KIF16B: variants seen among roughly 807,000 people sequenced by gnomAD.
The protein encoded by KIF16B is kinesin family member 16B.
Under a neutral mutation model 156.3 loss-of-function variants are expected in KIF16B, and 98 were observed. That is an observed-to-expected ratio of 0.63 (90% CI 0.53 to 0.74). The LOEUF (loss-of-function observed/expected upper bound fraction) is 0.74. Ranked by LOEUF, KIF16B falls within the 30% of genes least tolerant of loss-of-function variation. The pLI is 0.00. For missense variants in KIF16B, 1,421 were observed against 1,606.5 expected (o/e 0.88, Z 1.97); for synonymous variants, 564 against 583.7 (o/e 0.97, Z 0.49).
At chr20:16,385,261 A>G (rs2065201978) in intron 17 of KIF16B, among the ~76,000 whole-genome samples, 1 of 152,130 alleles carries the variant, frequency 6.6e-6, no homozygotes, top group African/African-American at 2.4e-5. Context: ...TCAGAAATGT[A>G]TTATCCTGGT....
At chr20:16,351,972 T>C (rs1427221098) in intron 23 of KIF16B, among the ~76,000 whole-genome samples, 2 of 152,194 alleles carry the variant, frequency 1.3e-5, no homozygotes, top group Non-Finnish European at 2.9e-5. Context: ...GCTACATGGG[T>C]AAATCTCCAA....
intron 15 of KIF16B, among the ~76,000 whole-genome samples, chr20:16,406,957 C>T (rs1432814535): frequency 2.6e-5 from 4 of 152,142 alleles, no homozygotes; most frequent in Admixed American, 2.0e-4. Flanking sequence ...CAGAATTTGA[C>T]GGGAGAGAAC....
chr20:16,361,028 C>T (rs1286055465), intron 22 of KIF16B, among the ~76,000 whole-genome samples: 1 of 152,158 alleles, frequency 6.6e-6, no homozygotes, highest in Non-Finnish European at 1.5e-5. Context: ...CAAGGTCTGG[C>T]CTAAGGACTG....
intron 1 of KIF16B, among the ~76,000 whole-genome samples, chr20:16,539,498 C>G (rs1046908581): frequency 2.0e-5 from 3 of 152,150 alleles, no homozygotes; most frequent in Non-Finnish European, 4.4e-5. Flanking sequence ...GAGAAAATTT[C>G]TAAGCAGTGA....
intron 12 of KIF16B, among the ~76,000 whole-genome samples, chr20:16,490,560 AACAC>A: frequency 6.6e-6 from 1 of 152,080 alleles, no homozygotes; most frequent in African/African-American, 2.4e-5. Flanking sequence ...AATTTAGAAA[AACAC>A]ACAAAAAAGA....
chr20:16,405,915 G>A (rs554788420), intron 16 of KIF16B, among the ~76,000 whole-genome samples: 4 of 151,992 alleles, frequency 2.6e-5, no homozygotes, highest in Non-Finnish European at 4.4e-5. Flanking sequence ...CCCTTTAGAC[G>A]TCCCCTTCCA....
intron 24 of KIF16B, among the ~76,000 whole-genome samples, chr20:16,335,548 AG>A (rs2064020605): frequency 6.6e-6 from 1 of 152,196 alleles, no homozygotes; most frequent in Non-Finnish European, 1.5e-5. Context: ...TAAAGAAAAA[AG>A]TGTAAATCTA....
At position 16,573,288 on chromosome 20, in the gene KIF16B, A is replaced by G. The variant is rs768448134; in HGVS notation, c.-13T>C. 10 of 1,609,504 alleles carry G rather than the reference A, an allele frequency of 6.2e-6. No individual in the cohort carries two copies. Among genetic ancestry groups the G allele is most frequent in the Admixed American group, 5.0e-5 (3 of 59,798 alleles). On this transcript the variant is annotated 5_prime_UTR_variant, in exon 1 of 26. Coordinates refer to ENST00000354981, the MANE Select transcript of KIF16B (RefSeq NM_024704.5). ...TGACCGATGCCATCGCTCATCCCGA[A>G]CCAGCCCGCGCGGGGTCCCACTAGC...
chr20:16,391,805 T>C (rs766286491), intron 17 of KIF16B, among the ~76,000 whole-genome samples: 4 of 152,036 alleles, frequency 2.6e-5, no homozygotes, highest in Admixed American at 6.5e-5. Context: ...AGGGCAGAGG[T>C]TGTCTCCCCC....
chr20:16,331,655 A>G lies in KIF16B; in HGVS notation c.3711+4271T>C, dbSNP rs76676216. ...TACTTCCACAGAAATAATGAGCCCA[A>G]TCTGGTGAAGGAGCGAAGTAAATAA... On this transcript the variant is annotated intron_variant, in intron 24 of 25. Coordinates refer to ENST00000354981, the MANE Select transcript of KIF16B (RefSeq NM_024704.5). Among the ~76,000 whole-genome samples the G allele has an allele frequency of 4.0e-3, 608 of 152,310 alleles. 5 individuals carry two copies. Among genetic ancestry groups the G allele is most frequent in the African/African-American group, 0.014 (567 of 41,572 alleles).
chr20:16,440,247 C>T (rs114407694), intron 12 of KIF16B, among the ~76,000 whole-genome samples: 36 of 152,218 alleles, frequency 2.4e-4, no homozygotes, highest in African/African-American at 7.9e-4. Flanking sequence ...TTATCAGTCC[C>T]GTTTTTAATG....
intron 12 of KIF16B, among the ~76,000 whole-genome samples, chr20:16,490,780 T>C (rs552165704): frequency 6.6e-6 from 1 of 152,296 alleles, no homozygotes; most frequent in East Asian, 1.9e-4. Context: ...CAGTCTGTGG[T>C]ATTTTGTTTT....
In KIF16B at chr20:16,355,130, T is replaced by C. The variant is rs574458941; in HGVS notation, c.3621+1200A>G. 7.2e-5 allele frequency among the ~76,000 whole-genome samples: 11 copies of C among 152,054 alleles called. No homozygotes were observed. In the South Asian group the frequency reaches 1.7e-3, roughly 23 times the overall value. The stretch of plus-strand genomic sequence containing the variant: ...TATTTACATCATTTCCTCAGGAAGG[T>C]TGAAAGAATGTGACATCTGAAAAGA... On this transcript the variant is annotated intron_variant, in intron 23 of 25. Transcript: ENST00000354981.
At chr20:16,328,693 A>C (rs2063897865) in intron 24 of KIF16B, among the ~76,000 whole-genome samples, 2 of 152,188 alleles carry the variant, frequency 1.3e-5, no homozygotes, top group Admixed American at 1.3e-4. Flanking sequence ...ATTTATAAAC[A>C]ACAGAAATTT....
chr20:16,284,714 T>G (rs2063198192), intron 25 of KIF16B, among the ~76,000 whole-genome samples: 1 of 152,066 alleles, frequency 6.6e-6, no homozygotes, highest in Non-Finnish European at 1.5e-5. Flanking sequence ...TTCTTAGAAT[T>G]CTCCCTACTA....
intron 24 of KIF16B, 54 bp from the exon 25 acceptor site, chr20:16,312,472 G>C (rs570071418): frequency 1.6e-6 from 2 of 1,254,702 alleles, no homozygotes; most frequent in Admixed American, 3.5e-5. Flanking sequence ...TTAATTGTTG[G>C]GCTATTATTA....
intron 2 of KIF16B, among the ~76,000 whole-genome samples, chr20:16,528,089 G>A (rs1387798177): frequency 6.6e-6 from 1 of 152,156 alleles, no homozygotes; most frequent in Non-Finnish European, 1.5e-5. Flanking sequence ...CGAGGACACA[G>A]GATGAAAATG....
intron 25 of KIF16B, among the ~76,000 whole-genome samples, chr20:16,291,252 A>G (rs1352641050): frequency 6.6e-6 from 1 of 152,222 alleles, no homozygotes; most frequent in African/African-American, 2.4e-5. Flanking sequence ...TCTAGAGAAG[A>G]AAGTCTATCA....
At chr20:16,335,829 A>G in intron 24 of KIF16B, 97 bp downstream of exon 24, 1 of 713,720 alleles carries the variant, frequency 1.4e-6, no homozygotes, top group Non-Finnish European at 2.4e-6. Context: ...TATCTGAAAG[A>G]GAGAGACAGA....
Sources: gnomAD v4.1 joint callset for allele counts (sites outside exome capture counted in the v4.1 genomes callset) on GRCh38, gnomAD v4.1.1 for gene constraint, MANE v1.5 for transcripts, NCBI Gene and HGNC (gene_info 2026-07-23, HGNC 2026-07-21) for gene names.